PCDHGA11: variants seen among roughly 807,000 people sequenced by gnomAD.
PCDHGA11 encodes protocadherin gamma-A11.
In PCDHGA11, 39 loss-of-function variants were observed where a neutral mutation model predicts 60.4. The ratio of observed to expected loss-of-function variants is 0.65; its 90% CI spans 0.50 to 0.84. The LOEUF (loss-of-function observed/expected upper bound fraction) is 0.84. PCDHGA11 is among the 40% of genes least tolerant of loss of function. PCDHGA11 has a pLI of 0.00. For synonymous variants in PCDHGA11, 533 were observed against 510.3 expected, an observed-to-expected ratio of 1.04 and a Z score of -0.60; for missense variants, 1,165 against 1,197.7, an observed-to-expected ratio of 0.97 and a Z score of 0.40.
rs1245731818 is a variant in PCDHGA11, at chr5:141,476,700, A to C, written c.2434-18107A>C. 1 of 1,614,096 alleles carries C rather than the reference A, an allele frequency of 6.2e-7. No homozygotes were observed. Among genetic ancestry groups the C allele is most frequent in the Non-Finnish European group, 8.5e-7 (1 of 1,180,016 alleles). On this transcript the variant is annotated intron_variant, in intron 1 of 3. Coordinates refer to ENST00000398587, the MANE Select transcript of PCDHGA11 (RefSeq NM_018914.3). This position sits in a 1 kb window ranked among gnomAD's most constrained non-coding sequence, Gnocchi z 7.6. Reference sequence around the variant, plus strand: ...CGGGAGGACAGCACCAAGTACGCGGAGCTGGTGTTGGAGCGCGCCCTGGAC... The same window carrying C: ...CGGGAGGACAGCACCAAGTACGCGGCGCTGGTGTTGGAGCGCGCCCTGGAC...
rs766457129 is a variant in PCDHGA11 at position 141,422,831 on chromosome 5, C to A, written c.1604C>A (p.Ala535Glu). The change falls in exon 1 of 4, where the codon GCA becomes GAA. Residue 535 changes from alanine to glutamate, a missense_variant. Transcript: ENST00000398587. The stretch of plus-strand genomic sequence containing the variant: ...CGAGACTTAGAACTGAGAGTGATAG[C>A]ACGTGACAGCGGGGACCCGCCCCTC... Reference protein sequence around the residue: ...QFRDLELRVIARDSGDPPLSS... With the variant: ...QFRDLELRVIERDSGDPPLSS... The A allele has an allele frequency of 6.8e-6, 11 of 1,614,242 alleles. No homozygotes were observed. The highest frequency in any genetic ancestry group is 6.8e-6 in the Non-Finnish European group (8 of 1,180,046).
rs181397365 is a variant in PCDHGA11, at chr5:141,481,810, G to A, written c.2434-12997G>A. Among the ~76,000 whole-genome samples, 99 of 151,944 alleles carry A rather than the reference G, an allele frequency of 6.5e-4. 1 individual carries two copies. The highest frequency in any genetic ancestry group is 2.4e-3 in the African/African-American group (98 of 41,418). On this transcript the variant is annotated intron_variant, in intron 1 of 3. Transcript: ENST00000398587. ...CTACTAAAAATACAAAAATTCACCA[G>A]GCGTGGTGGCTGAGGCAGGAGAATC...
chr5:141,478,387 C>T, intron 1 of PCDHGA11: 1 of 1,613,642 alleles, frequency 6.2e-7, no homozygotes, highest in Non-Finnish European at 8.5e-7. Context: ...CGCACCTTTA[C>T]CATCAGGTGT....
chr5:141,444,545 CA>C (rs1264288836), intron 1 of PCDHGA11, among the ~76,000 whole-genome samples: 7 of 152,042 alleles, frequency 4.6e-5, no homozygotes, highest in Admixed American at 6.6e-5. Flanking sequence ...GTCTAGTGAG[CA>C]AAAGGCACTT....
At chr5:141,473,501 G>A (rs1053399138) in intron 1 of PCDHGA11, among the ~76,000 whole-genome samples, 2 of 152,188 alleles carry the variant, frequency 1.3e-5, no homozygotes, top group South Asian at 4.1e-4. Context: ...GGTGTTCTGA[G>A]AGAGCATAAC....
In PCDHGA11 at chr5:141,489,077, C is replaced by CCCCCCACCGGG; in HGVS notation, c.2434-5730_2434-5729insCCCCCACCGGG. ...AGCTCCCCTCCCCCCTGCCCACCCCCGCCACTCGGTGACTAAGAACTGCTG... is the reference window on the plus strand; with the variant it reads ...AGCTCCCCTCCCCCCTGCCCACCCCCCCCCCACCGGGGCCACTCGGTGACTAAGAACTGCTG... On this transcript the variant is annotated intron_variant, in intron 1 of 3. Transcript: ENST00000398587. The surrounding 1 kb of genome is among the most constrained non-coding windows in gnomAD (Gnocchi z 4.5). 6.1e-6 allele frequency: 2 copies of CCCCCCACCGGG among 325,756 alleles called. No individual in the cohort carries two copies. Among genetic ancestry groups the CCCCCCACCGGG allele is most frequent in the Non-Finnish European group, 5.5e-6 (1 of 181,460 alleles). The allele number at this position is 325,756 out of a possible 1,614,324, so 20.2% of individuals were successfully genotyped here.
intron 1 of PCDHGA11, among the ~76,000 whole-genome samples, chr5:141,481,250 C>A (rs1160186962): frequency 2.6e-5 from 4 of 152,144 alleles, no homozygotes; most frequent in Non-Finnish European, 5.9e-5. Context: ...TAGCATAGCT[C>A]TAAAAGATCA....
At chr5:141,445,844 A>T (rs979756627) in intron 1 of PCDHGA11, among the ~76,000 whole-genome samples, 3 of 152,216 alleles carry the variant, frequency 2.0e-5, no homozygotes, top group Admixed American at 1.3e-4. Context: ...TGTAAATCAC[A>T]CTTAAAATTC....
At chr5:141,469,700 T>TA (rs1483261429) in intron 1 of PCDHGA11, among the ~76,000 whole-genome samples, 1 of 152,272 alleles carries the variant, frequency 6.6e-6, no homozygotes, top group African/African-American at 2.4e-5. Context: ...TATGACCTAG[T>TA]AATCACACTA....
rs532675537 is a variant in PCDHGA11, at chr5:141,508,584, T to C, written c.2582-2363T>C. Among the ~76,000 whole-genome samples, 87 of 152,266 alleles carry C rather than the reference T, an allele frequency of 5.7e-4. 1 individual carries two copies. Among genetic ancestry groups the C allele is most frequent in the African/African-American group, 1.6e-3 (66 of 41,552 alleles). On this transcript the variant is annotated intron_variant, in intron 3 of 3. Coordinates refer to ENST00000398587, the MANE Select transcript of PCDHGA11 (RefSeq NM_018914.3). The stretch of plus-strand genomic sequence containing the variant: ...TGTCACTTGCACCCACTCGGGGTGC[T>C]ACTCAGAGATCTTGGGTGCACATAG...
At chr5:141,451,892 A>C (rs1215224398) in intron 1 of PCDHGA11, among the ~76,000 whole-genome samples, 2 of 152,114 alleles carry the variant, frequency 1.3e-5, no homozygotes, top group Non-Finnish European at 2.9e-5. Context: ...AAAGAAAGGA[A>C]GGAACAAGGG....
intron 1 of PCDHGA11, among the ~76,000 whole-genome samples, chr5:141,446,698 G>A (rs750413432): frequency 2.0e-5 from 3 of 152,186 alleles, no homozygotes; most frequent in Admixed American, 6.5e-5. Flanking sequence ...GGCTGGTCTC[G>A]AACTCTGATC....
In PCDHGA11 at chr5:141,486,858, C is replaced by T. The variant is rs2099636039; in HGVS notation, c.2434-7949C>T. The T allele has an allele frequency of 2.5e-6, 4 of 1,614,246 alleles. No homozygotes were observed. The highest frequency in any genetic ancestry group is 1.1e-5 in the South Asian group (1 of 91,088). On this transcript the variant is annotated intron_variant, in intron 1 of 3. Transcript: ENST00000398587. The surrounding 1 kb of genome is among the most constrained non-coding windows in gnomAD (Gnocchi z 5.0). ...TTTGTGCTGGACCTCAATGACAATGCTCCAGCTGTGCTCCGTCCTCGGGCC... is the reference window on the plus strand; with the variant it reads ...TTTGTGCTGGACCTCAATGACAATGTTCCAGCTGTGCTCCGTCCTCGGGCC...
Position 141,494,802 on chromosome 5 carries a change from C to T in PCDHGA11, c.2434-5C>T. 5 of 1,614,120 alleles carry T rather than the reference C, an allele frequency of 3.1e-6. No individual in the cohort carries two copies. The highest frequency in any genetic ancestry group is 4.2e-6 in the Non-Finnish European group (5 of 1,180,016). ...TCAGCCCCTTTCCCTCTGTTTTCTC[C>T]ACAGCAAGCCCCGCCCAACACGGAC... is the stretch of plus-strand genomic sequence containing the variant. On this transcript the variant is annotated splice_polypyrimidine_tract_variant and splice_region_variant and intron_variant, in intron 1 of 3. Transcript: ENST00000398587.
intron 2 of PCDHGA11, among the ~76,000 whole-genome samples, chr5:141,500,254 G>A (rs1260325865): frequency 1.3e-5 from 2 of 150,426 alleles, no homozygotes; most frequent in Non-Finnish European, 3.0e-5. Context: ...TGTCACCCAG[G>A]CTGGACTGCA....
Position 141,477,176 on chromosome 5 carries a change from G to A in PCDHGA11, c.2434-17631G>A. ...GAATGACAACGCCCCGGAGATCACA[G>A]TCACCTCCGTGTACAGCCCAGTACC... On this transcript the variant is annotated intron_variant, in intron 1 of 3. Transcript: ENST00000398587. The surrounding 1 kb of genome is among the most constrained non-coding windows in gnomAD (Gnocchi z 4.9). 2 of 1,614,206 alleles carry A rather than the reference G, an allele frequency of 1.2e-6. No individual in the cohort carries two copies. Among genetic ancestry groups the A allele is most frequent in the Admixed American group, 1.7e-5 (1 of 60,024 alleles).
chr5:141,486,617 C>A lies in PCDHGA11; in HGVS notation c.2434-8190C>A. On this transcript the variant is annotated intron_variant, in intron 1 of 3. Coordinates refer to ENST00000398587, the MANE Select transcript of PCDHGA11 (RefSeq NM_018914.3). The surrounding 1 kb of genome is among the most constrained non-coding windows in gnomAD (Gnocchi z 5.0). The stretch of plus-strand genomic sequence containing the variant: ...GCTTTGCTCCCTTGCAGCCTCTGAC[C>A]CAGACTCTGGCTTGAATGCGCTTAT... The A allele has an allele frequency of 1.2e-6, 2 of 1,613,602 alleles. No homozygotes were observed. The highest frequency in any genetic ancestry group is 2.2e-5 in the East Asian group (1 of 44,874).
intron 1 of PCDHGA11, among the ~76,000 whole-genome samples, chr5:141,424,884 T>C (rs953145254): frequency 2.0e-5 from 3 of 152,186 alleles, no homozygotes; most frequent in Non-Finnish European, 4.4e-5. Flanking sequence ...AGGAGACTTA[T>C]CTAGGGTTTT....
chr5:141,485,734 C>T lies in PCDHGA11; in HGVS notation c.2434-9073C>T. ...CACTGGATGTGAAGAAGCGCAGCGACGGCAGCCTGGTCCCAGAGCTGCTCC... is the reference window on the plus strand; with the variant it reads ...CACTGGATGTGAAGAAGCGCAGCGATGGCAGCCTGGTCCCAGAGCTGCTCC... On this transcript the variant is annotated intron_variant, in intron 1 of 3. Transcript: ENST00000398587. This position sits in a 1 kb window ranked among gnomAD's most constrained non-coding sequence, Gnocchi z 5.7. The T allele has an allele frequency of 6.2e-7, 1 of 1,614,210 alleles. No individual in the cohort carries two copies. The highest frequency in any genetic ancestry group is 8.5e-7 in the Non-Finnish European group (1 of 1,180,028).
Sources: allele counts gnomAD v4.1 joint callset (sites outside exome capture counted in the v4.1 genomes callset), GRCh38; gene constraint gnomAD v4.1.1; non-coding constraint Gnocchi (gnomAD v3.1); transcripts MANE v1.5; gene names NCBI Gene and HGNC (gene_info 2026-07-23, HGNC 2026-07-21).